Variants in CNTNAP5 observed in about 807,000 individuals in gnomAD.
CNTNAP5 encodes the protein contactin associated protein family member 5.
In CNTNAP5, 72 loss-of-function variants were observed where a neutral mutation model predicts 150.2. That is an observed-to-expected ratio of 0.48 (90% CI 0.40 to 0.58). CNTNAP5 has a LOEUF of 0.58. Among genes scored for constraint, CNTNAP5 ranks in the 20% least tolerant of loss-of-function variants. CNTNAP5 has a pLI of 0.00. For missense variants in CNTNAP5, 1,636 were observed against 1,626.2 expected (o/e 1.01, Z -0.10); for synonymous variants, 672 against 619.8 (o/e 1.08, Z -1.25).
intron 1 of CNTNAP5, among the ~76,000 whole-genome samples, chr2:124,078,704 T>C (rs1682492870): frequency 6.6e-6 from 1 of 152,208 alleles, no homozygotes; most frequent in Non-Finnish European, 1.5e-5. Flanking sequence ...GTTTTGTTTC[T>C]TTTAATTCAT....
chr2:124,225,725 A>C (rs1463180942), intron 2 of CNTNAP5, among the ~76,000 whole-genome samples: 1 of 152,202 alleles, frequency 6.6e-6, no homozygotes, highest in African/African-American at 2.4e-5. Context: ...TATTCAGAGA[A>C]TGTATTCATA....
chr2:124,899,492 G>A (rs1678373161), intron 21 of CNTNAP5, among the ~76,000 whole-genome samples: 1 of 151,620 alleles, frequency 6.6e-6, no homozygotes. Context: ...CAGAAACTAA[G>A]TCAATTTCAA....
chr2:124,614,752 G>C (rs1216870688), intron 12 of CNTNAP5, among the ~76,000 whole-genome samples: 1 of 152,130 alleles, frequency 6.6e-6, no homozygotes, highest in Admixed American at 6.6e-5. Context: ...GCAGCATCCT[G>C]TTTTATCAGC....
chr2:124,808,548 A>C (rs911807725), intron 19 of CNTNAP5, among the ~76,000 whole-genome samples: 23 of 151,656 alleles, frequency 1.5e-4, no homozygotes, highest in Non-Finnish European at 3.2e-4. Context: ...AGATTGCACC[A>C]GGGCACTCCA....
intron 3 of CNTNAP5, among the ~76,000 whole-genome samples, chr2:124,366,515 T>C (rs1393580681): frequency 2.0e-5 from 3 of 152,152 alleles, no homozygotes; most frequent in Admixed American, 2.0e-4. Flanking sequence ...AAGTGCAGTG[T>C]CCTTTAAACT....
At chr2:124,885,675 G>A (rs1678065983) in intron 21 of CNTNAP5, among the ~76,000 whole-genome samples, 1 of 150,954 alleles carries the variant, frequency 6.6e-6, no homozygotes, top group African/African-American at 2.4e-5. Context: ...TGTCTGTATT[G>A]ATTTACCTAT....
chr2:124,253,011 A>C (rs1182368152), intron 3 of CNTNAP5, among the ~76,000 whole-genome samples: 1 of 151,628 alleles, frequency 6.6e-6, no homozygotes, highest in Non-Finnish European at 1.5e-5. Context: ...CATATATAAT[A>C]GTACATAAAA....
At chr2:124,487,122 C>T (rs1329606835) in intron 7 of CNTNAP5, among the ~76,000 whole-genome samples, 1 of 152,136 alleles carries the variant, frequency 6.6e-6, no homozygotes, top group East Asian at 1.9e-4. Context: ...CCCATGGTGG[C>T]TAGTGATTAC....
intron 3 of CNTNAP5, among the ~76,000 whole-genome samples, chr2:124,331,326 A>T (rs901105228): frequency 6.6e-6 from 1 of 152,088 alleles, no homozygotes; most frequent in African/African-American, 2.4e-5. Context: ...CAAAATTATG[A>T]CTGATAACAT....
At chr2:124,856,168 A>G (rs1677369901) in intron 19 of CNTNAP5, among the ~76,000 whole-genome samples, 1 of 151,956 alleles carries the variant, frequency 6.6e-6, no homozygotes, top group South Asian at 2.1e-4. Flanking sequence ...CAATTTCTTT[A>G]TCTACTAGTT....
At chr2:124,216,939 G>C (rs946711660) in intron 1 of CNTNAP5, among the ~76,000 whole-genome samples, 2 of 152,060 alleles carry the variant, frequency 1.3e-5, no homozygotes, top group Admixed American at 6.6e-5. Flanking sequence ...GGTATTTCTA[G>C]TTCTAGATCC....
intron 3 of CNTNAP5, among the ~76,000 whole-genome samples, chr2:124,327,283 C>T (rs1393045513): frequency 6.6e-6 from 1 of 151,874 alleles, no homozygotes; most frequent in Non-Finnish European, 1.5e-5. Flanking sequence ...CCCGGCAGAT[C>T]CTGTTTTAAA....
intron 21 of CNTNAP5, among the ~76,000 whole-genome samples, chr2:124,901,352 C>T (rs943818963): frequency 6.7e-6 from 1 of 148,700 alleles, no homozygotes; most frequent in Non-Finnish European, 1.5e-5. Context: ...GAAGATAATC[C>T]TGTATTATCA....
At chr2:124,199,839 A>T (rs1459627680) in intron 1 of CNTNAP5, among the ~76,000 whole-genome samples, 1 of 152,240 alleles carries the variant, frequency 6.6e-6, no homozygotes, top group Admixed American at 6.5e-5. Flanking sequence ...TAGTAACTTG[A>T]TAAACACTTT....
chr2:124,419,235 G>A (rs55815579), intron 4 of CNTNAP5, among the ~76,000 whole-genome samples: 1 of 145,752 alleles, frequency 6.9e-6, no homozygotes, highest in Admixed American at 7.0e-5. Flanking sequence ...TTTGATCTAA[G>A]AATCTTATTA....
intron 23 of CNTNAP5, among the ~76,000 whole-genome samples, chr2:124,912,079 C>T (rs1311637719): frequency 6.6e-6 from 1 of 152,034 alleles, no homozygotes; most frequent in African/African-American, 2.4e-5. Context: ...TCCTGCTTTT[C>T]CATTTTCTCA....
intron 1 of CNTNAP5, among the ~76,000 whole-genome samples, chr2:124,091,614 G>A (rs1330835802): frequency 6.6e-6 from 1 of 152,130 alleles, no homozygotes; most frequent in Non-Finnish European, 1.5e-5. Context: ...ATATCCCTGG[G>A]TGAATGGCAG....
chr2:124,348,635 A>G (rs1689797726), intron 3 of CNTNAP5, among the ~76,000 whole-genome samples: 1 of 152,222 alleles, frequency 6.6e-6, no homozygotes, highest in Admixed American at 6.5e-5. Context: ...CTACCAAAAT[A>G]AAACCATCAG....
At chr2:124,411,660 CT>C (rs540367438) in intron 3 of CNTNAP5, among the ~76,000 whole-genome samples, 1,240 of 98,658 alleles carry the variant, frequency 0.013, 35 homozygotes, top group African/African-American at 0.045. Context: ...CAGAAAAAGC[CT>C]TTGACAAAAT....
Sources: allele counts gnomAD v4.1 joint callset (sites outside exome capture counted in the v4.1 genomes callset), GRCh38; gene constraint gnomAD v4.1.1; transcripts MANE v1.5; gene names NCBI Gene and HGNC (gene_info 2026-07-23, HGNC 2026-07-21).